The following SEC23IP variants were observed in gnomAD, a reference collection of about 807,000 sequenced individuals.
The protein encoded by SEC23IP is SEC23 interacting protein.
In SEC23IP, 70 loss-of-function variants were observed where a neutral mutation model predicts 113.4. The observed-to-expected ratio is 0.62, with a 90% CI of 0.51 to 0.75. The LOEUF is 0.75. Among genes scored for constraint, SEC23IP ranks in the 30% least tolerant of loss-of-function variants. The probability of loss-of-function intolerance (pLI) is 0.00; values close to 1 mark genes in which losing one functional copy is unlikely to be tolerated. For synonymous variants in SEC23IP, 398 were observed against 421.0 expected, an observed-to-expected ratio of 0.95 and a Z score of 0.67; for missense variants, 1,160 against 1,204.9, an observed-to-expected ratio of 0.96 and a Z score of 0.55.
intron 2 of SEC23IP, among the ~76,000 whole-genome samples, chr10:119,899,961 G>A (rs1182158345): frequency 6.6e-6 from 1 of 152,008 alleles, no homozygotes; most frequent in Admixed American, 6.6e-5. Context: ...CCTGGCATAT[G>A]TGAGCCCTCC....
chr10:119,893,128 A>G (rs1184942111), intron 1 of SEC23IP, among the ~76,000 whole-genome samples, 183 bp downstream of exon 1: 5 of 152,144 alleles, frequency 3.3e-5, no homozygotes, highest in African/African-American at 1.2e-4. Context: ...AGGTGATGAG[A>G]CTTGCTCTTC....
intron 6 of SEC23IP, among the ~76,000 whole-genome samples, chr10:119,913,497 T>A (rs1420596625): frequency 7.8e-6 from 1 of 128,350 alleles, no homozygotes; most frequent in Non-Finnish European, 1.7e-5. Context: ...TCCATAAAGC[T>A]TTTTTTTTTT....
chr10:119,921,193 G>C (rs1564918599), intron 12 of SEC23IP, among the ~76,000 whole-genome samples: 1 of 152,128 alleles, frequency 6.6e-6, no homozygotes, highest in Non-Finnish European at 1.5e-5. Flanking sequence ...GGTTTTCCTG[G>C]GACTAAGTTC....
At chr10:119,903,064 A>T in intron 3 of SEC23IP, 55 bp downstream of exon 3, 5 of 1,377,258 alleles carry the variant, frequency 3.6e-6, no homozygotes, top group Non-Finnish European at 5.1e-6. Context: ...AAGGAATGAG[A>T]TCATTTATTC....
rs188406332 is a variant in SEC23IP, at chr10:119,923,750, T to C, written c.2122-2286T>C. Among the ~76,000 whole-genome samples, 635 of 152,322 alleles carry C rather than the reference T, an allele frequency of 4.2e-3. 3 individuals carry two copies. Among genetic ancestry groups the C allele is most frequent in the Non-Finnish European group, 7.6e-3 (514 of 68,022 alleles). ...TTTTAGTAGAGATGGGGTTTCACCA[T>C]GTTGGTCAGGCTGGTCTCAATCTCC... is the stretch of plus-strand genomic sequence containing the variant. On this transcript the variant is annotated intron_variant, in intron 12 of 18. Coordinates refer to ENST00000369075, the MANE Select transcript of SEC23IP (RefSeq NM_007190.4).
At chr10:119,907,380 A>G (rs567485262) in intron 4 of SEC23IP, among the ~76,000 whole-genome samples, 26 of 152,212 alleles carry the variant, frequency 1.7e-4, no homozygotes, top group East Asian at 5.8e-4. Flanking sequence ...AAATACTTCT[A>G]TTTTCACGTG....
At chr10:119,916,157 G>A (rs1855046710) in intron 8 of SEC23IP, among the ~76,000 whole-genome samples, 1 of 152,062 alleles carries the variant, frequency 6.6e-6, no homozygotes, top group Non-Finnish European at 1.5e-5. Flanking sequence ...TTAGACAGGG[G>A]GCTGTCCTTT....
At chr10:119,939,107 G>A (rs2134545676) in intron 18 of SEC23IP, among the ~76,000 whole-genome samples, 1 of 151,886 alleles carries the variant, frequency 6.6e-6, no homozygotes, top group East Asian at 1.9e-4. Context: ...TCAGGAGTTC[G>A]AGACCAGCTT....
intron 18 of SEC23IP, among the ~76,000 whole-genome samples, chr10:119,936,887 A>G (rs1855806305): frequency 6.7e-6 from 1 of 149,742 alleles, no homozygotes; most frequent in Non-Finnish European, 1.5e-5. Context: ...ATTTTATTTT[A>G]TTTTATTTTA....
At chr10:119,904,381 A>G in intron 4 of SEC23IP, 104 bp downstream of exon 4, 1 of 986,154 alleles carries the variant, frequency 1.0e-6, no homozygotes, top group Non-Finnish European at 1.6e-6. Context: ...CTTACAAGAC[A>G]GCTTGTTTTG....
At chr10:119,926,972 A>G (rs1855443536) in intron 13 of SEC23IP, among the ~76,000 whole-genome samples, 1 of 152,094 alleles carries the variant, frequency 6.6e-6, no homozygotes, top group African/African-American at 2.4e-5. Flanking sequence ...TTGTAACCTC[A>G]AAACAAGGGT....
chr10:119,918,777 T>C (rs1449927944), intron 10 of SEC23IP, among the ~76,000 whole-genome samples: 4 of 152,100 alleles, frequency 2.6e-5, no homozygotes, highest in Non-Finnish European at 5.9e-5. Flanking sequence ...CCAAATATAA[T>C]AGCTTCCGTG....
At chr10:119,916,494 C>T (rs2134491508) in intron 8 of SEC23IP, among the ~76,000 whole-genome samples, 1 of 152,334 alleles carries the variant, frequency 6.6e-6, no homozygotes, top group African/African-American at 2.4e-5. Context: ...TTTTAGTGAA[C>T]ACCGTAATGT....
intron 12 of SEC23IP, among the ~76,000 whole-genome samples, chr10:119,923,415 C>G (rs1286065821): frequency 6.6e-6 from 1 of 151,610 alleles, no homozygotes; most frequent in African/African-American, 2.4e-5. Context: ...TATTTTATAA[C>G]AAGGAGATCA....
At chr10:119,910,718 C>G (rs1439880156) in intron 5 of SEC23IP, among the ~76,000 whole-genome samples, 1 of 152,104 alleles carries the variant, frequency 6.6e-6, no homozygotes, top group Non-Finnish European at 1.5e-5. Context: ...AGGTCTCACT[C>G]CCTTACCCAG....
chr10:119,926,851 A>C (rs1416454545), intron 13 of SEC23IP, among the ~76,000 whole-genome samples: 1 of 152,228 alleles, frequency 6.6e-6, no homozygotes, highest in Non-Finnish European at 1.5e-5. Context: ...ATATATTCTT[A>C]TGTAAGTAAA....
intron 4 of SEC23IP, among the ~76,000 whole-genome samples, chr10:119,907,893 G>A (rs902819091): frequency 2.0e-5 from 3 of 152,086 alleles, no homozygotes. Context: ...CGGAGGTTGC[G>A]GTGAGCAGAG....
intron 1 of SEC23IP, among the ~76,000 whole-genome samples, chr10:119,896,904 AG>A (rs1468776574): frequency 1.3e-5 from 2 of 152,236 alleles, no homozygotes; most frequent in Non-Finnish European, 2.9e-5. Context: ...GAATGATTCA[AG>A]TAGACACAAG....
At chr10:119,925,090 G>A (rs1299498800) in intron 12 of SEC23IP, among the ~76,000 whole-genome samples, 1 of 152,188 alleles carries the variant, frequency 6.6e-6, no homozygotes, top group Admixed American at 6.5e-5. Flanking sequence ...TAGATCTTCA[G>A]TGTGCAGTAG....
Sources: gnomAD v4.1 joint callset for allele counts (sites outside exome capture counted in the v4.1 genomes callset) on GRCh38, gnomAD v4.1.1 for gene constraint, MANE v1.5 for transcripts, NCBI Gene and HGNC (gene_info 2026-07-23, HGNC 2026-07-21) for gene names.